The following CTNNA3 variants were observed in gnomAD, a reference collection of about 807,000 sequenced individuals.
CTNNA3 encodes the protein catenin alpha 3.
Under a neutral mutation model 95.7 loss-of-function variants are expected in CTNNA3, and 76 were observed. The ratio of observed to expected loss-of-function variants is 0.79; its 90% CI spans 0.66 to 0.96. CTNNA3 has a LOEUF of 0.96. Ranked by LOEUF, CTNNA3 falls within the 40% of genes least tolerant of loss-of-function variation. CTNNA3 has a pLI of 0.00. For synonymous variants in CTNNA3, 431 were observed against 374.4 expected (o/e 1.15, Z -1.74); for missense variants, 1,191 against 1,089.8 (o/e 1.09, Z -1.31).
In CTNNA3 at chr10:66,451,482, C is replaced by T. The variant is rs72791550; in HGVS notation, c.1531+69135G>A. Among the ~76,000 whole-genome samples, 1,373 of 152,086 alleles carry T rather than the reference C, an allele frequency of 9.0e-3. 12 individuals carry two copies. Among genetic ancestry groups the T allele is most frequent in the Middle Eastern group, 0.027 (8 of 292 alleles). ...AGTTAGGAAATAAAAACGTATCTTT[C>T]AGATGCTATATAAAAATGGTCTAGA... On this transcript the variant is annotated intron_variant, in intron 11 of 17. Transcript: ENST00000433211.
chr10:66,543,965 G>A lies in CTNNA3; in HGVS notation c.1375-23192C>T, dbSNP rs1444371047. Among the ~76,000 whole-genome samples, 5 of 122,796 alleles carry A rather than the reference G, an allele frequency of 4.1e-5. No individual in the cohort carries two copies. In the Admixed American group the frequency reaches 4.2e-4, roughly 10 times the overall value. 80.6% of individuals were successfully genotyped at this position (122,796 alleles called of 152,430 possible). ...TATATATATATATATTTGTTCTTCAGCATTTTTCTTTATTTTATTCTATCT... is the reference window on the plus strand; with the variant it reads ...TATATATATATATATTTGTTCTTCAACATTTTTCTTTATTTTATTCTATCT... On this transcript the variant is annotated intron_variant, in intron 10 of 17. Coordinates refer to ENST00000433211, the MANE Select transcript of CTNNA3 (RefSeq NM_013266.4).
At chr10:67,186,027 CAA>C (rs201984879) in intron 6 of CTNNA3, among the ~76,000 whole-genome samples, 69 of 97,378 alleles carry the variant, frequency 7.1e-4, no homozygotes, top group Non-Finnish European at 7.1e-4. Flanking sequence ...CTCCGTCTCA[CAA>C]AAAAAAAAAA....
intron 14 of CTNNA3, among the ~76,000 whole-genome samples, chr10:66,098,272 A>G (rs2081481015): frequency 6.6e-6 from 1 of 152,200 alleles, no homozygotes; most frequent in African/African-American, 2.4e-5. Context: ...TTAAGGGATG[A>G]TGAGACTATT....
chr10:67,397,973 G>A (rs756883841), intron 5 of CTNNA3, among the ~76,000 whole-genome samples: 2 of 152,212 alleles, frequency 1.3e-5, no homozygotes, highest in Admixed American at 6.5e-5. Flanking sequence ...ATGCTTGGAT[G>A]TCTAGGCAGA....
chr10:65,927,067 G>A (rs183348154), intron 17 of CTNNA3, among the ~76,000 whole-genome samples: 16 of 151,518 alleles, frequency 1.1e-4, no homozygotes, highest in African/African-American at 2.9e-4. Context: ...TTTTTGTTCT[G>A]TATTATTCCA....
At chr10:67,456,990 T>C (rs1222039953) in intron 5 of CTNNA3, among the ~76,000 whole-genome samples, 1 of 152,094 alleles carries the variant, frequency 6.6e-6, no homozygotes, top group Non-Finnish European at 1.5e-5. Context: ...TCATGTTTTC[T>C]AAAGAAAATG....
Position 67,556,235 on chromosome 10 carries a change from C to T in CTNNA3, c.293-16566G>A, listed in dbSNP as rs918184525. ...ATCCTCTTTTTTTGTTGTGTCTCTG[C>T]CAGGCTTTGGTATCAGGATGATGCT... On this transcript the variant is annotated intron_variant, in intron 3 of 17. Transcript: ENST00000433211. Among the ~76,000 whole-genome samples, 10 of 152,210 alleles carry T rather than the reference C, an allele frequency of 6.6e-5. No homozygotes were observed. The South Asian group carries it at 1.7e-3, about 25-fold the overall frequency.
intron 7 of CTNNA3, among the ~76,000 whole-genome samples, chr10:66,938,523 T>C (rs1325170521): frequency 6.6e-6 from 1 of 152,166 alleles, no homozygotes; most frequent in Non-Finnish European, 1.5e-5. Context: ...CCTAAAGGTC[T>C]TCATTCTTGG....
chr10:66,369,612 C>T (rs2092737960), intron 12 of CTNNA3, among the ~76,000 whole-genome samples: 1 of 152,012 alleles, frequency 6.6e-6, no homozygotes, highest in South Asian at 2.1e-4. Flanking sequence ...TAGAATTTAC[C>T]CATGCATGAT....
At chr10:67,553,647 A>T (rs1841113404) in intron 3 of CTNNA3, among the ~76,000 whole-genome samples, 1 of 152,160 alleles carries the variant, frequency 6.6e-6, no homozygotes, top group South Asian at 2.1e-4. Flanking sequence ...CACTTACACA[A>T]TGGATGGAAG....
intron 6 of CTNNA3, among the ~76,000 whole-genome samples, chr10:67,182,452 T>A (rs375871044): frequency 6.6e-6 from 1 of 152,148 alleles, no homozygotes; most frequent in Non-Finnish European, 1.5e-5. Flanking sequence ...ATTCCCTATT[T>A]AATAAATGGT....
At chr10:66,871,384 C>A (rs2132440494) in intron 7 of CTNNA3, among the ~76,000 whole-genome samples, 1 of 151,872 alleles carries the variant, frequency 6.6e-6, no homozygotes, top group East Asian at 1.9e-4. Flanking sequence ...CCTGGAGAAA[C>A]CCTGTCTCTA....
At chr10:66,528,270 A>G (rs181644551) in intron 10 of CTNNA3, among the ~76,000 whole-genome samples, 223 of 152,020 alleles carry the variant, frequency 1.5e-3, no homozygotes, top group African/African-American at 5.2e-3. Context: ...GCTTCTCCCC[A>G]TTTTTACTGG....
intron 13 of CTNNA3, among the ~76,000 whole-genome samples, chr10:66,217,740 A>C (rs2088648242): frequency 6.6e-6 from 1 of 152,178 alleles, no homozygotes; most frequent in Admixed American, 6.5e-5. Flanking sequence ...AAAAGGATTA[A>C]TGTTTAACCA....
At chr10:67,600,678 C>T (rs991436087) in intron 3 of CTNNA3, among the ~76,000 whole-genome samples, 1 of 152,114 alleles carries the variant, frequency 6.6e-6, no homozygotes, top group Non-Finnish European at 1.5e-5. Context: ...CATATGTATA[C>T]CTTATGACCC....
chr10:66,565,472 C>T lies in CTNNA3; in HGVS notation c.1375-44699G>A, dbSNP rs952155414. On this transcript the variant is annotated intron_variant, in intron 10 of 17. Transcript: ENST00000433211. Reference sequence around the variant, plus strand: ...AGGGAAGCTGCACTTAGAAGTAATACGTGAGACGGATCTTAATTAATATTC... The same window carrying T: ...AGGGAAGCTGCACTTAGAAGTAATATGTGAGACGGATCTTAATTAATATTC... Among the ~76,000 whole-genome samples the T allele has an allele frequency of 5.3e-5, 8 of 152,156 alleles. No homozygotes were observed. The South Asian group carries it at 8.3e-4, about 16-fold the overall frequency.
In CTNNA3 at chr10:65,987,986, G is replaced by C. The variant is rs6480123; in HGVS notation, c.2265+706C>G. Among the ~76,000 whole-genome samples, 522 of 152,140 alleles carry C rather than the reference G, an allele frequency of 3.4e-3. 2 individuals are homozygous for C. Among genetic ancestry groups the C allele is most frequent in the African/African-American group, 0.012 (499 of 41,528 alleles). The stretch of plus-strand genomic sequence containing the variant: ...ATATGTGAGAGTTTTAAAAGTTGAT[G>C]ACACAGAATTAATGAATAGAATAAT... On this transcript the variant is annotated intron_variant, in intron 16 of 17. Transcript: ENST00000433211.
At position 66,631,041 on chromosome 10, in the gene CTNNA3, T is replaced by G. The variant is rs1845117033; in HGVS notation, c.1282-9257A>C. On this transcript the variant is annotated intron_variant, in intron 9 of 17. Coordinates refer to ENST00000433211, the MANE Select transcript of CTNNA3 (RefSeq NM_013266.4). ...TACAAGAAGATAGAGGTAGGTGAACTTCATAGAGATGACTGTAGTAAGAGT... is the reference window on the plus strand; with the variant it reads ...TACAAGAAGATAGAGGTAGGTGAACGTCATAGAGATGACTGTAGTAAGAGT... Among the ~76,000 whole-genome samples the G allele has an allele frequency of 3.3e-5, 5 of 152,140 alleles. No individual in the cohort carries two copies. In the South Asian group the frequency reaches 1.0e-3, roughly 31 times the overall value.
intron 5 of CTNNA3, among the ~76,000 whole-genome samples, chr10:67,278,053 C>T (rs1193525007): frequency 1.3e-5 from 2 of 152,098 alleles, no homozygotes; most frequent in African/African-American, 2.4e-5. Context: ...ATGGACTCGC[C>T]CTGAATTCTT....
Sources: allele counts gnomAD v4.1 joint callset (sites outside exome capture counted in the v4.1 genomes callset), GRCh38; gene constraint gnomAD v4.1.1; transcripts MANE v1.5; gene names NCBI Gene and HGNC (gene_info 2026-07-23, HGNC 2026-07-21).